The following TH variants were observed in gnomAD, a reference collection of about 807,000 sequenced individuals.
TH encodes tyrosine 3-monooxygenase.
Under a neutral mutation model 57.4 loss-of-function variants are expected in TH, and 49 were observed. The ratio of observed to expected loss-of-function variants is 0.85; its 90% CI spans 0.68 to 1.08. The LOEUF (loss-of-function observed/expected upper bound fraction) is 1.08, where lower values mean the gene tolerates loss of function less well. TH is among the 50% of genes least tolerant of loss of function. The pLI is 0.00. For synonymous variants in TH, 330 were observed against 304.5 expected, an observed-to-expected ratio of 1.08 and a Z score of -0.87; for missense variants, 720 against 696.7, an observed-to-expected ratio of 1.03 and a Z score of -0.38.
chr11:2,171,712 C>G lies in TH; in HGVS notation c.75G>C (p.Gln25His). The G allele has an allele frequency of 6.2e-7, 1 of 1,612,582 alleles. No homozygotes were observed. Among genetic ancestry groups the G allele is most frequent in the Non-Finnish European group, 8.5e-7 (1 of 1,179,848 alleles). Reference sequence around the variant, plus strand: ...GCCCTCTTACCATGATGGCCTCTGCCTGCTTGGCGTCCAGCTCAGACACGG... The same window carrying G: ...GCCCTCTTACCATGATGGCCTCTGCGTGCTTGGCGTCCAGCTCAGACACGG... Reference protein sequence around the residue: ...RRAVSELDAKQAEAIMSPRFI... With the variant: ...RRAVSELDAKHAEAIMSPRFI... The change falls in exon 1 of 13, where the codon CAG (glutamine) becomes CAC (histidine). Residue 25 changes from glutamine (Q) to histidine (H), a missense_variant. Transcript: ENST00000352909. This position sits in a 1 kb window ranked among gnomAD's most constrained non-coding sequence, Gnocchi z 8.6.
At chr11:2,169,925 T>A (rs7925375) in intron 1 of TH, 54 bp from the exon 2 acceptor site, 1 of 1,548,722 alleles carries the variant, frequency 6.5e-7, no homozygotes. Context: ...CCCGGGGACC[T>A]CCACCCACAG....
At chr11:2,165,188 G>A in intron 12 of TH, 44 bp downstream of exon 12, 1 of 1,612,434 alleles carries the variant, frequency 6.2e-7, no homozygotes, top group Non-Finnish European at 8.5e-7. Flanking sequence ...GGCTGGCCCA[G>A]TTTGGGGGCA....
chr11:2,168,287 C>A, intron 3 of TH, 108 bp from the exon 4 acceptor site: 1 of 1,409,944 alleles, frequency 7.1e-7, no homozygotes, highest in Non-Finnish European at 1.0e-6. Flanking sequence ...CAGAGGCAGC[C>A]GGGGCTGTGA....
rs1301464480 is a variant in TH at position 2,165,246 on chromosome 11, G to A, written c.1320C>T (p.Ala440=). Residue 440 remains alanine (A), a synonymous_variant, in exon 12 of 13, where the codon GCC becomes GCT. Transcript: ENST00000352909. ...GCCTAGCCCACCTGAGCTTGTCCTT[G>A]GCGTCACTGAAGCTCTCAGACACGA... The part of the protein sequence containing the change: ...VYFVSESFSD[A]KDKLRSYASR... The A allele has an allele frequency of 2.5e-6, 4 of 1,612,758 alleles. No homozygotes were observed. The Admixed American group carries it at 5.0e-5, about 20-fold the overall frequency.
In TH at chr11:2,166,696, A is replaced by G; in HGVS notation, c.914T>C (p.Phe305Ser). Residue 305 changes from phenylalanine to serine, a missense_variant, in exon 8 of 13, where the codon TTC becomes TCC. By Grantham distance (155) the Phe-to-Ser change is radical. Coordinates refer to ENST00000352909, the MANE Select transcript of TH (RefSeq NM_000360.4). ...ATACTGGGTGCACTGGAACACGCGG[A>G]AGGCCAGGCTGGCCAGGAAGTCCCG... ...SARDFLASLA[F>S]RVFQCTQYIR... 1 of 1,557,694 alleles carries G rather than the reference A, an allele frequency of 6.4e-7. No homozygotes were observed. The highest frequency in any genetic ancestry group is 8.7e-7 in the Non-Finnish European group (1 of 1,151,122).
intron 9 of TH, 196 bp downstream of exon 9, chr11:2,166,284 G>T: frequency 1.1e-6 from 1 of 901,050 alleles, no homozygotes; most frequent in Non-Finnish European, 1.7e-6. Flanking sequence ...CAGGTAGCCG[G>T]CAGGTGGCAG....
intron 9 of TH, 53 bp downstream of exon 9, chr11:2,166,427 G>C: frequency 6.5e-7 from 1 of 1,527,030 alleles, no homozygotes; most frequent in Non-Finnish European, 8.8e-7. Flanking sequence ...GCCCGCCCCC[G>C]GCGCCAAGCC....
At chr11:2,165,930 G>A (rs764408169) in intron 10 of TH, 72 bp downstream of exon 10, 15 of 1,521,688 alleles carry the variant, frequency 9.9e-6, no homozygotes, top group East Asian at 9.8e-5. Context: ...CAGCCTGGAC[G>A]GCAAGAGGGT....
intron 12 of TH, among the ~76,000 whole-genome samples, chr11:2,164,714 C>T (rs1330769455): frequency 1.3e-5 from 2 of 152,154 alleles, no homozygotes; most frequent in African/African-American, 2.4e-5. Context: ...CACCCCTGTC[C>T]GCTGGACACA....
chr11:2,168,281 G>A (rs2133696780), intron 3 of TH, 102 bp from the exon 4 acceptor site: 1 of 1,417,668 alleles, frequency 7.1e-7, no homozygotes, highest in Non-Finnish European at 9.9e-7. Context: ...GGGGGGCAGA[G>A]GCAGCCGGGG....
chr11:2,164,106 G>T lies in TH; in HGVS notation c.*127C>A. The T allele has an allele frequency of 1.2e-6, 1 of 816,300 alleles. No homozygotes were observed. The highest frequency in any genetic ancestry group is 1.7e-6 in the Non-Finnish European group (1 of 587,922). 50.6% of individuals were successfully genotyped at this position (816,300 alleles called of 1,614,324 possible). A position where few individuals can be genotyped will look rare whatever the true frequency, so the allele number is the denominator to read the frequency against. On this transcript the variant is annotated 3_prime_UTR_variant, in exon 13 of 13. Transcript: ENST00000352909. ...GTTGCGCTGAGAAGCAGGTGCAGGG[G>T]CAGTGGGAGCCTGGCAGCAGGGAGG...
In TH at chr11:2,168,594, C is replaced by T. The variant is rs2133697614; in HGVS notation, c.384G>A (p.Leu128=). Residue 128 remains leucine (L), a synonymous_variant, in exon 3 of 13, where the codon CTG becomes CTA. Coordinates refer to ENST00000352909, the MANE Select transcript of TH (RefSeq NM_000360.4). ...AQRPRAGGPH[L]EYFVRLEVRR... is the part of the protein sequence containing the mutation. ...GCACCTCGAGGCGCACGAAGTACTCCAGGTGGGGGCCCCCAGCTCGCGGCC... is the reference window on the plus strand; with the variant it reads ...GCACCTCGAGGCGCACGAAGTACTCTAGGTGGGGGCCCCCAGCTCGCGGCC... The T allele has an allele frequency of 6.2e-6, 10 of 1,611,948 alleles. No individual in the cohort carries two copies. Among genetic ancestry groups the T allele is most frequent in the Non-Finnish European group, 8.5e-6 (10 of 1,179,720 alleles).
In TH at chr11:2,169,829, C is replaced by T. The variant is rs1846204853; in HGVS notation, c.133G>A (p.Ala45Thr). The T allele has an allele frequency of 6.2e-7, 1 of 1,610,970 alleles. No homozygotes were observed. ...ACCGCCGCCTCCCGCTCCTTGCGGG[C>T]GTCCTCGATGAGGCTCTGCCTGCGC... ...IGRRQSLIED[A>T]RKEREAAVAA... The change falls in exon 2 of 13, where the codon GCC (alanine) becomes ACC (threonine). Residue 45 changes from alanine to threonine, a missense_variant. Physicochemically the swap from Ala to Thr is moderately conservative, Grantham distance 58 (BLOSUM62 0). Transcript: ENST00000352909.
In TH at chr11:2,170,634, T is replaced by C. The variant is rs1846226415; in HGVS notation, c.91-763A>G. ...TCAGCTTCATCCTGAGCTTCCAGGG[T>C]TGTGGAACATGAAGGGGAGCAGCAG... On this transcript the variant is annotated intron_variant, in intron 1 of 12. Transcript: ENST00000352909. This position sits in a 1 kb window ranked among gnomAD's most constrained non-coding sequence, Gnocchi z 6.0. 4.9e-6 allele frequency: 7 copies of C among 1,417,344 alleles called. No individual in the cohort carries two copies. In the East Asian group the frequency reaches 1.4e-4, roughly 29 times the overall value. The allele number at this position is 1,417,344 out of a possible 1,614,324, so 87.8% of individuals were successfully genotyped here.
At chr11:2,166,332 T>C in intron 9 of TH, 148 bp downstream of exon 9, 1 of 1,155,830 alleles carries the variant, frequency 8.7e-7, no homozygotes, top group South Asian at 1.6e-5. Flanking sequence ...CCCCGCCCTA[T>C]GCCGCGCGAC....
intron 4 of TH, 77 bp from the exon 5 acceptor site, chr11:2,168,010 A>G: frequency 1.2e-6 from 2 of 1,609,800 alleles, no homozygotes; most frequent in South Asian, 1.1e-5. Flanking sequence ...CCTGGAGCCG[A>G]CAGACTCCTG....
rs1255410096 is a variant in TH at position 2,170,547 on chromosome 11, C to T, written c.91-676G>A. The stretch of plus-strand genomic sequence containing the variant: ...GGACAGAGGGGGACTTGGCAGACAC[C>T]TGGGGCTCATCCCTTGGAGCTGAAC... On this transcript the variant is annotated intron_variant, in intron 1 of 12. Coordinates refer to ENST00000352909, the MANE Select transcript of TH (RefSeq NM_000360.4). The surrounding 1 kb of genome is among the most constrained non-coding windows in gnomAD (Gnocchi z 6.0). 3 of 809,728 alleles carry T rather than the reference C, an allele frequency of 3.7e-6. No individual in the cohort carries two copies. The highest frequency in any genetic ancestry group is 6.2e-6 in the Non-Finnish European group (3 of 482,598). 50.2% of individuals were successfully genotyped at this position (809,728 alleles called of 1,614,324 possible).
chr11:2,168,724 A>AGGGGGGGG, intron 2 of TH, 59 bp from the exon 3 acceptor site: 1 of 98,036 alleles, frequency 1.0e-5, no homozygotes. Flanking sequence ...ATGGAGAGAG[A>AGGGGGGGG]GGGTGGGGTG....
chr11:2,166,135 G>A lies in TH; in HGVS notation c.1048-77C>T, dbSNP rs1846083367. ...CGAGGTGGGGGCACCGGGGGTGTCAGCAGCCCCTCCAGGGGTCTCTGGGAC... is the reference window on the plus strand; with the variant it reads ...CGAGGTGGGGGCACCGGGGGTGTCAACAGCCCCTCCAGGGGTCTCTGGGAC... On this transcript the variant is annotated intron_variant, in intron 9 of 12. Coordinates refer to ENST00000352909, the MANE Select transcript of TH (RefSeq NM_000360.4). 16 of 1,473,824 alleles carry A rather than the reference G, an allele frequency of 1.1e-5. 1 individual carries two copies. Among genetic ancestry groups the A allele is most frequent in the Non-Finnish European group, 1.5e-5 (16 of 1,078,538 alleles). 91.3% of individuals were successfully genotyped at this position (1,473,824 alleles called of 1,614,324 possible).
Sources: allele counts gnomAD v4.1 joint callset (sites outside exome capture counted in the v4.1 genomes callset), GRCh38; gene constraint gnomAD v4.1.1; non-coding constraint Gnocchi (gnomAD v3.1); transcripts MANE v1.5; gene names NCBI Gene and HGNC (gene_info 2026-07-23, HGNC 2026-07-21).